NALF1: variants seen among roughly 807,000 people sequenced by gnomAD.
NALF1 encodes the protein family with sequence similarity 155 member A.
NALF1 carries 3 observed loss-of-function variants against 48.4 expected under a neutral mutation model. The ratio of observed to expected loss-of-function variants is 0.06; its 90% CI spans 0.03 to 0.16. The LOEUF is 0.16. NALF1 is among the 10% of genes least tolerant of loss of function. NALF1 has a pLI of 1.00. For synonymous variants in NALF1, 262 were observed against 245.7 expected (o/e 1.07, Z -0.62); for missense variants, 526 against 571.5 (o/e 0.92, Z 0.81).
At chr13:107,334,394 A>G (rs1324668) in intron 1 of NALF1, among the ~76,000 whole-genome samples, 101,466 of 152,046 alleles carry the variant, frequency 0.67, 34,198 homozygotes, top group East Asian at 0.81. Context: ...TCCCTTTTGT[A>G]TTCTTTTCCA....
chr13:107,644,702 G>C lies in NALF1; in HGVS notation c.915+220980C>G, dbSNP rs72654965. Among the ~76,000 whole-genome samples the C allele has an allele frequency of 1.7e-4, 24 of 139,860 alleles. No homozygotes were observed. The East Asian group carries it at 3.9e-3, about 23-fold the overall frequency. The allele number at this position is 139,860 out of a possible 152,430, so 91.8% of individuals were successfully genotyped here. ...AAGTTGCAAATCATAGCATGCTCCA[G>C]TAGTATAAGGAAACTGTTCATAGGT... On this transcript the variant is annotated intron_variant, in intron 1 of 2. Transcript: ENST00000375915.
At chr13:107,445,861 C>A (rs1181057421) in intron 1 of NALF1, among the ~76,000 whole-genome samples, 2 of 152,118 alleles carry the variant, frequency 1.3e-5, no homozygotes, top group Non-Finnish European at 2.9e-5. Flanking sequence ...TGGCATAATG[C>A]CACCAATTCA....
intron 1 of NALF1, among the ~76,000 whole-genome samples, chr13:107,330,316 A>G (rs572055781): frequency 6.6e-6 from 1 of 152,370 alleles, no homozygotes; most frequent in East Asian, 1.9e-4. Flanking sequence ...GCTGAGAAAT[A>G]TATGAGCACA....
intron 1 of NALF1, among the ~76,000 whole-genome samples, chr13:107,537,269 C>T (rs979127582): frequency 6.6e-6 from 1 of 151,974 alleles, no homozygotes; most frequent in Non-Finnish European, 1.5e-5. Flanking sequence ...TTCATATGCA[C>T]TTTCTTAGCC....
chr13:107,486,609 G>A (rs1885334125), intron 1 of NALF1, among the ~76,000 whole-genome samples: 1 of 152,122 alleles, frequency 6.6e-6, no homozygotes, highest in South Asian at 2.1e-4. Context: ...CTCTCACATG[G>A]GATGTGGGAA....
At chr13:107,447,751 T>C (rs1305160335) in intron 1 of NALF1, among the ~76,000 whole-genome samples, 2 of 152,162 alleles carry the variant, frequency 1.3e-5, no homozygotes, top group South Asian at 2.1e-4. Context: ...TCAATTCTAC[T>C]CTCCTGCACG....
At chr13:107,710,604 G>A (rs1875543606) in intron 1 of NALF1, among the ~76,000 whole-genome samples, 1 of 152,010 alleles carries the variant, frequency 6.6e-6, no homozygotes, top group African/African-American at 2.4e-5. Flanking sequence ...GAGAGGAAGT[G>A]CTACACTTTT....
At chr13:107,320,348 A>T (rs1278095575) in intron 1 of NALF1, among the ~76,000 whole-genome samples, 1 of 152,114 alleles carries the variant, frequency 6.6e-6, no homozygotes, top group Non-Finnish European at 1.5e-5. Flanking sequence ...AAACCAAACA[A>T]AAAAGACAAA....
At chr13:107,394,237 C>T (rs532530593) in intron 1 of NALF1, among the ~76,000 whole-genome samples, 1 of 152,250 alleles carries the variant, frequency 6.6e-6, no homozygotes, top group African/African-American at 2.4e-5. Flanking sequence ...GTCACTAGTT[C>T]AGTAACTTAT....
intron 1 of NALF1, among the ~76,000 whole-genome samples, chr13:107,228,449 T>C (rs1480795890): frequency 6.6e-6 from 1 of 152,178 alleles, no homozygotes; most frequent in Non-Finnish European, 1.5e-5. Flanking sequence ...AGAAGTTCAA[T>C]GTAAACCTCT....
At chr13:107,725,731 A>C (rs952562107) in intron 1 of NALF1, among the ~76,000 whole-genome samples, 2 of 151,888 alleles carry the variant, frequency 1.3e-5, no homozygotes, top group Non-Finnish European at 2.9e-5. Flanking sequence ...AATTCAACTC[A>C]CTGACATATT....
At chr13:107,746,785 A>G (rs915977141) in intron 1 of NALF1, among the ~76,000 whole-genome samples, 5 of 152,212 alleles carry the variant, frequency 3.3e-5, no homozygotes, top group African/African-American at 1.2e-4. Flanking sequence ...CCAAGATCAT[A>G]TAACAGAGAA....
intron 1 of NALF1, among the ~76,000 whole-genome samples, chr13:107,594,403 T>C (rs1032704578): frequency 6.6e-6 from 1 of 152,020 alleles, no homozygotes; most frequent in Non-Finnish European, 1.5e-5. Context: ...ACAATCAATA[T>C]TACCAATCTC....
At chr13:107,503,999 A>G (rs1343908102) in intron 1 of NALF1, among the ~76,000 whole-genome samples, 2 of 151,914 alleles carry the variant, frequency 1.3e-5, no homozygotes, top group African/African-American at 4.8e-5. Flanking sequence ...CTTGCCTGTA[A>G]TCCCAGCACT....
intron 1 of NALF1, among the ~76,000 whole-genome samples, chr13:107,298,383 CAAA>C (rs1263819334): frequency 3.1e-5 from 3 of 95,682 alleles, no homozygotes; most frequent in African/African-American, 1.3e-4. Context: ...AAAAAAAAGA[CAAA>C]AAGACACACA....
rs1879727469 is a variant in NALF1 at position 107,210,018 on chromosome 13, T to C, written c.1087+566A>G. Among the ~76,000 whole-genome samples the C allele has an allele frequency of 2.0e-5, 3 of 152,136 alleles. No homozygotes were observed. The South Asian group carries it at 6.2e-4, about 32-fold the overall frequency. The stretch of plus-strand genomic sequence containing the variant: ...GTTTTGCCCAGTCTGACTCATTTGC[T>C]GAAAGAAGTAAACATCGTTTAATGG... On this transcript the variant is annotated intron_variant, in intron 2 of 2. Transcript: ENST00000375915.
At chr13:107,625,901 C>A (rs895735788) in intron 1 of NALF1, among the ~76,000 whole-genome samples, 2 of 151,966 alleles carry the variant, frequency 1.3e-5, no homozygotes, top group African/African-American at 2.4e-5. Context: ...ATTTAGCACA[C>A]GAATGATACA....
intron 1 of NALF1, among the ~76,000 whole-genome samples, chr13:107,424,480 G>A (rs1884245739): frequency 6.6e-6 from 1 of 152,136 alleles, no homozygotes; most frequent in Non-Finnish European, 1.5e-5. Context: ...TGGGGGAGGT[G>A]ATAGGGATAC....
chr13:107,381,259 G>A (rs1333553192), intron 1 of NALF1, among the ~76,000 whole-genome samples: 2 of 149,514 alleles, frequency 1.3e-5, no homozygotes, highest in African/African-American at 2.5e-5. Flanking sequence ...GGAGTGCAGT[G>A]GCATGGTCAT....
Sources: gnomAD v4.1 joint callset for allele counts (sites outside exome capture counted in the v4.1 genomes callset) on GRCh38, gnomAD v4.1.1 for gene constraint, MANE v1.5 for transcripts, NCBI Gene and HGNC (gene_info 2026-07-23, HGNC 2026-07-21) for gene names.